Variants in RALYL observed in about 807,000 individuals in gnomAD.
RALYL encodes RNA-binding Raly-like protein.
Under a neutral mutation model 35.1 loss-of-function variants are expected in RALYL, and 29 were observed. The observed-to-expected ratio is 0.83, with a 90% CI of 0.61 to 1.13. RALYL has a LOEUF of 1.13. Ranked by LOEUF, RALYL falls within the 50% of genes most tolerant of loss-of-function variation. The pLI is 0.00. For synonymous variants in RALYL, 120 were observed against 127.6 expected (o/e 0.94, Z 0.40); for missense variants, 359 against 360.4 (o/e 1.00, Z 0.03).
intron 1 of RALYL, among the ~76,000 whole-genome samples, chr8:84,370,494 G>T (rs941584444): frequency 3.3e-5 from 5 of 151,782 alleles, no homozygotes; most frequent in Admixed American, 3.3e-4. Context: ...TTTTGTGCTT[G>T]GGTGTAAACT....
chr8:84,691,938 G>A (rs1838144251), intron 2 of RALYL, among the ~76,000 whole-genome samples: 1 of 151,814 alleles, frequency 6.6e-6, no homozygotes, highest in Non-Finnish European at 1.5e-5. Flanking sequence ...TGCAGATATG[G>A]TAAAACATTT....
chr8:84,241,414 C>A (rs13253923), intron 1 of RALYL, among the ~76,000 whole-genome samples: 3 of 151,814 alleles, frequency 2.0e-5, no homozygotes, highest in Non-Finnish European at 4.4e-5. Context: ...CTTGGTGTGG[C>A]GGCTGGAGAA....
chr8:84,484,115 A>G (rs1167181437), intron 1 of RALYL, among the ~76,000 whole-genome samples: 1 of 152,178 alleles, frequency 6.6e-6, no homozygotes, highest in Non-Finnish European at 1.5e-5. Context: ...AGGGTTCAAT[A>G]AACTAACAAA....
chr8:84,887,468 CATA>C (rs1488446398), intron 7 of RALYL, 133 bp from the exon 8 acceptor site: 3 of 595,400 alleles, frequency 5.0e-6, no homozygotes, highest in Admixed American at 3.7e-5. Context: ...CAACTTAAAG[CATA>C]ATATTACCTT....
chr8:84,503,404 C>A (rs985154384), intron 1 of RALYL, among the ~76,000 whole-genome samples: 1 of 151,778 alleles, frequency 6.6e-6, no homozygotes, highest in Non-Finnish European at 1.5e-5. Flanking sequence ...GGGATCTTCC[C>A]ACCTTGGCTT....
intron 2 of RALYL, among the ~76,000 whole-genome samples, chr8:84,540,553 T>C (rs1246151568): frequency 2.3e-5 from 3 of 129,844 alleles, no homozygotes; most frequent in Non-Finnish European, 3.5e-5. Flanking sequence ...CAACCCATCA[T>C]GATAAAAAAA....
intron 2 of RALYL, among the ~76,000 whole-genome samples, chr8:84,713,581 A>C (rs969126107): frequency 2.0e-5 from 3 of 151,976 alleles, no homozygotes; most frequent in African/African-American, 7.2e-5. Flanking sequence ...ATAAAGTGAC[A>C]ACAAGTGTCA....
chr8:84,595,739 C>T (rs1449480551), intron 2 of RALYL, among the ~76,000 whole-genome samples: 1 of 148,600 alleles, frequency 6.7e-6, no homozygotes, highest in African/African-American at 2.5e-5. Flanking sequence ...TAGAAAATCA[C>T]AGAGAGTGAA....
intron 1 of RALYL, among the ~76,000 whole-genome samples, chr8:84,398,724 A>G (rs1487325381): frequency 2.6e-5 from 4 of 152,326 alleles, no homozygotes; most frequent in Non-Finnish European, 1.5e-5. Context: ...CTGTAATCCC[A>G]TCACTTTGGA....
chr8:84,504,450 C>T (rs1052265098), intron 1 of RALYL, among the ~76,000 whole-genome samples: 5 of 152,088 alleles, frequency 3.3e-5, no homozygotes, highest in African/African-American at 4.8e-5. Context: ...GTGCATATAA[C>T]TTTACCCTAT....
At chr8:84,837,479 TAAG>T (rs1365533585) in intron 4 of RALYL, among the ~76,000 whole-genome samples, 2 of 152,084 alleles carry the variant, frequency 1.3e-5, no homozygotes, top group Admixed American at 6.6e-5. Context: ...TGAGGGAAAA[TAAG>T]AAGAAATACT....
intron 4 of RALYL, among the ~76,000 whole-genome samples, chr8:84,820,175 T>TCTAA (rs764892465): frequency 3.9e-5 from 6 of 152,178 alleles, no homozygotes; most frequent in African/African-American, 4.8e-5. Flanking sequence ...CTCTAAATAA[T>TCTAA]CTAACTGTAC....
intron 1 of RALYL, among the ~76,000 whole-genome samples, chr8:84,321,085 A>G (rs1844719284): frequency 6.6e-6 from 1 of 152,122 alleles, no homozygotes; most frequent in South Asian, 2.1e-4. Flanking sequence ...TTAGTATCGT[A>G]ATAGAAAGAA....
At chr8:84,842,359 A>G (rs1334022601) in intron 4 of RALYL, among the ~76,000 whole-genome samples, 1 of 152,220 alleles carries the variant, frequency 6.6e-6, no homozygotes, top group East Asian at 1.9e-4. Context: ...AATAAACTAG[A>G]AAATCTAGAA....
intron 2 of RALYL, among the ~76,000 whole-genome samples, chr8:84,586,031 C>G (rs1320570444): frequency 6.6e-6 from 1 of 151,910 alleles, no homozygotes; most frequent in African/African-American, 2.4e-5. Flanking sequence ...CCCGTCTCTA[C>G]TAAAAATGCA....
chr8:84,576,058 A>G (rs1256822261), intron 2 of RALYL, among the ~76,000 whole-genome samples: 2 of 152,204 alleles, frequency 1.3e-5, no homozygotes, highest in African/African-American at 4.8e-5. Flanking sequence ...ATATTTTACA[A>G]TGGCATAGCC....
chr8:84,587,603 CT>C (rs1398498118), intron 2 of RALYL, among the ~76,000 whole-genome samples: 1 of 152,106 alleles, frequency 6.6e-6, no homozygotes, highest in African/African-American at 2.4e-5. Flanking sequence ...CAGAAAACCT[CT>C]TTTGATTGAA....
Position 84,804,774 on chromosome 8 carries a change from G to T in RALYL, c.337G>T (p.Glu113Ter). ...AATTTTCATATTTTTTCATAGACTT[G>T]AATCAAAGGAACCTTTCCTGTCTGT... ...KRPLSALYRL[E>*]SKEPFLSVGG... The change falls in exon 4 of 9, where the codon GAA becomes TAA. Residue 113 changes from glutamate to a stop codon, truncating the protein, a stop_gained. Transcript: ENST00000521268. LOFTEE classifies it high-confidence loss of function. 2 of 1,171,064 alleles carry T rather than the reference G, an allele frequency of 1.7e-6. No homozygotes were observed. Among genetic ancestry groups the T allele is most frequent in the South Asian group, 2.1e-5 (1 of 46,520 alleles). The allele number at this position is 1,171,064 out of a possible 1,614,324, so 72.5% of individuals were successfully genotyped here. A position where few individuals can be genotyped will look rare whatever the true frequency, so the allele number is the denominator to read the frequency against.
At chr8:84,715,606 C>T (rs1842844297) in intron 2 of RALYL, among the ~76,000 whole-genome samples, 2 of 152,020 alleles carry the variant, frequency 1.3e-5, no homozygotes, top group Non-Finnish European at 2.9e-5. Flanking sequence ...GTATTTGTCT[C>T]ATATGCTATC....
Sources: allele counts gnomAD v4.1 joint callset (sites outside exome capture counted in the v4.1 genomes callset), GRCh38; gene constraint gnomAD v4.1.1; transcripts MANE v1.5; gene names NCBI Gene and HGNC (gene_info 2026-07-23, HGNC 2026-07-21).